Variants in RHEB observed in about 807,000 individuals in gnomAD.
RHEB encodes the protein Ras homolog, mTORC1 binding.
Under a neutral mutation model 28.8 loss-of-function variants are expected in RHEB, and 2 were observed. The ratio of observed to expected loss-of-function variants is 0.07; its 90% CI spans 0.03 to 0.22. The LOEUF (loss-of-function observed/expected upper bound fraction) is 0.22, where lower values mean the gene tolerates loss of function less well. RHEB is among the 10% of genes least tolerant of loss of function. The pLI, the probability that RHEB is intolerant of heterozygous loss-of-function variation, is 1.00. For missense variants in RHEB, 76 were observed against 219.9 expected, an observed-to-expected ratio of 0.35 and a Z score of 4.14; for synonymous variants, 69 against 77.3, an observed-to-expected ratio of 0.89 and a Z score of 0.56.
chr7:151,471,314 T>C (rs949211187), intron 6 of RHEB, 80 bp downstream of exon 6: 14 of 963,090 alleles, frequency 1.5e-5, no homozygotes, highest in Non-Finnish European at 2.3e-5. Context: ...GCTAAAAATA[T>C]TCTTGACATC....
chr7:151,503,436 C>T, intron 1 of RHEB: 1 of 1,193,876 alleles, frequency 8.4e-7, no homozygotes, highest in East Asian at 2.3e-5. Context: ...AAGGAGGAGA[C>T]AATGAATTTT....
At chr7:151,476,261 G>T (rs1802271662) in intron 4 of RHEB, among the ~76,000 whole-genome samples, 1 of 152,194 alleles carries the variant, frequency 6.6e-6, no homozygotes, top group South Asian at 2.1e-4. Flanking sequence ...GAGTATGTGG[G>T]GGTAAGGAAC....
chr7:151,484,995 G>A lies in RHEB; in HGVS notation c.125-191C>T, dbSNP rs142679324. Among the ~76,000 whole-genome samples, 881 of 152,240 alleles carry A rather than the reference G, an allele frequency of 5.8e-3. 7 individuals carry two copies. The highest frequency in any genetic ancestry group is 0.02 in the African/African-American group (817 of 41,528). On this transcript the variant is annotated intron_variant, in intron 2 of 7. Transcript: ENST00000262187. ...CTTCCATTATTTAGCTAGGAAATAC[G>A]GTGACTGGCTAAAATCAAGCTTGGT...
Position 151,468,090 on chromosome 7 carries a change from G to A in RHEB, c.463-879C>T, listed in dbSNP as rs1802097728. Among the ~76,000 whole-genome samples the A allele has an allele frequency of 6.6e-6, 1 of 151,936 alleles. No individual in the cohort carries two copies. Among genetic ancestry groups the A allele is most frequent in the Non-Finnish European group, 1.5e-5 (1 of 67,998 alleles). On this transcript the variant is annotated intron_variant, in intron 7 of 7. Coordinates refer to ENST00000262187, the MANE Select transcript of RHEB (RefSeq NM_005614.4). This position sits in a 1 kb window ranked among gnomAD's most constrained non-coding sequence, Gnocchi z 4.3. ...CCTGTTCTCAGAAGCCCCACAGGAA[G>A]TACCCTGTTCTCCTAATCACCAAGA...
chr7:151,489,049 G>A (rs1387979335), intron 2 of RHEB, among the ~76,000 whole-genome samples: 1 of 152,104 alleles, frequency 6.6e-6, no homozygotes, highest in East Asian at 1.9e-4. Flanking sequence ...CAAGTGATCC[G>A]CCTGTCTCAG....
intron 4 of RHEB, among the ~76,000 whole-genome samples, chr7:151,473,818 CAG>C (rs917075322): frequency 2.0e-5 from 3 of 152,172 alleles, no homozygotes; most frequent in Non-Finnish European, 4.4e-5. Context: ...TATGTGTAGA[CAG>C]AGTTTTGTTT....
At chr7:151,489,395 G>C (rs1802539328) in intron 2 of RHEB, among the ~76,000 whole-genome samples, 1 of 152,116 alleles carries the variant, frequency 6.6e-6, no homozygotes, top group Non-Finnish European at 1.5e-5. Context: ...CAAATCATAG[G>C]ATGTAATCAG....
At chr7:151,476,658 A>G (rs941011632) in intron 4 of RHEB, among the ~76,000 whole-genome samples, 1 of 152,238 alleles carries the variant, frequency 6.6e-6, no homozygotes, top group Non-Finnish European at 1.5e-5. Context: ...CACACACTCA[A>G]TAGATGCTAC....
chr7:151,483,417 G>A (rs1188214909), intron 3 of RHEB, among the ~76,000 whole-genome samples: 5 of 152,252 alleles, frequency 3.3e-5, no homozygotes, highest in South Asian at 2.1e-4. Flanking sequence ...CTTATCCTTT[G>A]ATTATAAGTT....
At chr7:151,483,424 A>C (rs1218906360) in intron 3 of RHEB, among the ~76,000 whole-genome samples, 1 of 152,172 alleles carries the variant, frequency 6.6e-6, no homozygotes, top group African/African-American at 2.4e-5. Flanking sequence ...TTTGATTATA[A>C]GTTGCAAGGG....
At chr7:151,483,886 G>C (rs1802421414) in intron 3 of RHEB, among the ~76,000 whole-genome samples, 1 of 152,168 alleles carries the variant, frequency 6.6e-6, no homozygotes, top group Non-Finnish European at 1.5e-5. Flanking sequence ...TTTGTTTCAT[G>C]TACTCCTTTC....
chr7:151,467,240 T>G (rs965828523), intron 7 of RHEB, 29 bp from the exon 8 acceptor site: 1 of 1,527,654 alleles, frequency 6.5e-7, no homozygotes, highest in Admixed American at 1.7e-5. Flanking sequence ...CCAATCACAG[T>G]GTTAGTGTGA....
At chr7:151,470,487 C>A in intron 7 of RHEB, 84 bp downstream of exon 7, 1 of 881,966 alleles carries the variant, frequency 1.1e-6, no homozygotes, top group South Asian at 1.5e-5. Flanking sequence ...GTGATCAAGA[C>A]AGAGGTCAAA....
chr7:151,469,354 G>C (rs909352673), intron 7 of RHEB, among the ~76,000 whole-genome samples: 3 of 152,200 alleles, frequency 2.0e-5, no homozygotes, highest in African/African-American at 7.2e-5. Context: ...AACAAATTAA[G>C]AGGGCTAAGA....
At chr7:151,513,092 C>T (rs534128891) in intron 1 of RHEB, among the ~76,000 whole-genome samples, 1 of 152,194 alleles carries the variant, frequency 6.6e-6, no homozygotes, top group South Asian at 2.1e-4. Flanking sequence ...TAAATCTTGA[C>T]CCTTTGGTAC....
intron 1 of RHEB, chr7:151,502,944 G>T: frequency 1.3e-6 from 1 of 787,018 alleles, no homozygotes; most frequent in South Asian, 1.3e-5. Flanking sequence ...GGTGAAAATG[G>T]ATTCAATCAA....
intron 1 of RHEB, chr7:151,502,311 A>C: frequency 1.3e-6 from 1 of 788,074 alleles, no homozygotes; most frequent in Non-Finnish European, 2.2e-6. Context: ...CCTCCCAAAG[A>C]CCAGATTTCA....
At position 151,472,369 on chromosome 7, in the gene RHEB, A is replaced by T. The variant is rs1802177724; in HGVS notation, c.276-764T>A. Among the ~76,000 whole-genome samples the T allele has an allele frequency of 1.3e-5, 2 of 152,124 alleles. No individual in the cohort carries two copies. Among genetic ancestry groups the T allele is most frequent in the Admixed American group, 1.3e-4 (2 of 15,266 alleles). On this transcript the variant is annotated intron_variant, in intron 4 of 7. Transcript: ENST00000262187. The surrounding 1 kb of genome is among the most constrained non-coding windows in gnomAD (Gnocchi z 5.2). ...CCCCGCCACCCCTGCTCAGCACAGCAACCAGAGGACTCTGCTGCAGCAGAT... is the reference window on the plus strand; with the variant it reads ...CCCCGCCACCCCTGCTCAGCACAGCTACCAGAGGACTCTGCTGCAGCAGAT...
intron 4 of RHEB, among the ~76,000 whole-genome samples, chr7:151,473,757 T>C (rs1802209121): frequency 6.6e-6 from 1 of 152,168 alleles, no homozygotes; most frequent in Non-Finnish European, 1.5e-5. Context: ...CAAACCCACT[T>C]ATGCCAGTTA....
Sources: allele counts gnomAD v4.1 joint callset (sites outside exome capture counted in the v4.1 genomes callset), GRCh38; gene constraint gnomAD v4.1.1; non-coding constraint Gnocchi (gnomAD v3.1); transcripts MANE v1.5; gene names NCBI Gene and HGNC (gene_info 2026-07-23, HGNC 2026-07-21).